PPP1R14C: variants seen among roughly 807,000 people sequenced by gnomAD.
The protein encoded by PPP1R14C is protein phosphatase 1 regulatory subunit 14C.
A neutral mutation model predicts 20.4 loss-of-function variants in PPP1R14C; 16 were observed. That is an observed-to-expected ratio of 0.78 (90% confidence interval 0.53 to 1.19). PPP1R14C has a LOEUF of 1.19. Among genes scored for constraint, PPP1R14C ranks in the 50% most tolerant of loss-of-function variants. PPP1R14C has a pLI of 0.00. For missense variants in PPP1R14C, 211 were observed against 220.1 expected, an observed-to-expected ratio of 0.96 and a Z score of 0.26; for synonymous variants, 91 against 91.0, an observed-to-expected ratio of 1.00 and a Z score of 0.00.
At chr6:150,160,166 A>C (rs560893118) in intron 1 of PPP1R14C, among the ~76,000 whole-genome samples, 74 of 151,192 alleles carry the variant, frequency 4.9e-4, no homozygotes, top group South Asian at 8.4e-4. Flanking sequence ...CCTGGCTGAG[A>C]TACTGTCTGT....
At chr6:150,168,424 T>C (rs1055076432) in intron 1 of PPP1R14C, among the ~76,000 whole-genome samples, 1 of 151,876 alleles carries the variant, frequency 6.6e-6, no homozygotes, top group Admixed American at 6.6e-5. Flanking sequence ...TCCCAGCTAC[T>C]TGGGAGGCTG....
intron 1 of PPP1R14C, among the ~76,000 whole-genome samples, chr6:150,207,674 A>G (rs780753029): frequency 6.6e-6 from 1 of 152,244 alleles, no homozygotes; most frequent in Non-Finnish European, 1.5e-5. Context: ...TAAAATGTCT[A>G]TGGTTTTTTC....
chr6:150,152,119 C>CAAAAAAAAAAAAA (rs577869928), intron 1 of PPP1R14C, among the ~76,000 whole-genome samples: 1 of 85,006 alleles, frequency 1.2e-5, no homozygotes, highest in African/African-American at 3.7e-5. Context: ...GACTCCGTCT[C>CAAAAAAAAAAAAA]AAAAAAAAAA....
At chr6:150,174,146 C>A (rs1351197335) in intron 1 of PPP1R14C, among the ~76,000 whole-genome samples, 1 of 147,652 alleles carries the variant, frequency 6.8e-6, no homozygotes, top group Non-Finnish European at 1.5e-5. Context: ...TTAGCATATT[C>A]ATCACCTCAC....
chr6:150,225,386 G>A (rs1442780882), intron 3 of PPP1R14C, among the ~76,000 whole-genome samples: 1 of 152,158 alleles, frequency 6.6e-6, no homozygotes, highest in Non-Finnish European at 1.5e-5. Flanking sequence ...TCTGAGACTA[G>A]CAATTTGTCA....
chr6:150,181,750 G>C (rs1273062765), intron 1 of PPP1R14C, among the ~76,000 whole-genome samples: 1 of 152,204 alleles, frequency 6.6e-6, no homozygotes, highest in Non-Finnish European at 1.5e-5. Flanking sequence ...GAGTGTGTGT[G>C]AGCCATCTTT....
At chr6:150,186,980 CTT>C (rs777549797) in intron 1 of PPP1R14C, among the ~76,000 whole-genome samples, 1 of 145,242 alleles carries the variant, frequency 6.9e-6, no homozygotes. Context: ...TTGACTTAGT[CTT>C]TTTTTTTTTT....
chr6:150,232,973 A>G (rs1426732086), intron 3 of PPP1R14C, among the ~76,000 whole-genome samples: 1 of 152,240 alleles, frequency 6.6e-6, no homozygotes, highest in Non-Finnish European at 1.5e-5. Context: ...CCTGAAGGGC[A>G]GGGACAGGTT....
At chr6:150,186,336 T>C (rs765406394) in intron 1 of PPP1R14C, among the ~76,000 whole-genome samples, 16 of 152,134 alleles carry the variant, frequency 1.1e-4, no homozygotes, top group Non-Finnish European at 1.9e-4. Flanking sequence ...GAAGAGCAAA[T>C]GCCCTGCGTA....
At chr6:150,210,451 T>C (rs952523563) in intron 1 of PPP1R14C, among the ~76,000 whole-genome samples, 1 of 152,236 alleles carries the variant, frequency 6.6e-6, no homozygotes, top group Non-Finnish European at 1.5e-5. Context: ...GCCCTGTTGC[T>C]TCGCACCTGA....
rs1057393971 is a variant in PPP1R14C, at chr6:150,201,365, G to A, written c.307-13379G>A. 6.6e-6 allele frequency among the ~76,000 whole-genome samples: 1 copy of A among 152,150 alleles called. No homozygotes were observed. The highest frequency in any genetic ancestry group is 1.5e-5 in the Non-Finnish European group (1 of 68,026). On this transcript the variant is annotated intron_variant, in intron 1 of 3. Transcript: ENST00000361131. This position sits in a 1 kb window ranked among gnomAD's most constrained non-coding sequence, Gnocchi z 4.2. ...AGGTTGACCTCATCACAAGTCTGGC[G>A]AAGACATTTTGCTTTAGGAAGTGAT...
Position 150,187,014 on chromosome 6 carries a change from C to T in PPP1R14C, c.307-27730C>T, listed in dbSNP as rs182958117. 3.4e-3 allele frequency among the ~76,000 whole-genome samples: 514 copies of T among 151,278 alleles called. 5 individuals are homozygous for T. Among genetic ancestry groups the T allele is most frequent in the African/African-American group, 0.011 (470 of 41,146 alleles). On this transcript the variant is annotated intron_variant, in intron 1 of 3. Coordinates refer to ENST00000361131, the MANE Select transcript of PPP1R14C (RefSeq NM_030949.3). ...TTTTGAGACGGAGTTTCACTCTTGT[C>T]GCCCAGGCTGGAGTGCAATGGTGCA... is the stretch of plus-strand genomic sequence containing the variant.
intron 3 of PPP1R14C, among the ~76,000 whole-genome samples, chr6:150,232,383 A>G (rs1438448165): frequency 6.6e-6 from 1 of 152,152 alleles, no homozygotes; most frequent in Non-Finnish European, 1.5e-5. Context: ...GCTTATTTTC[A>G]CTTGTGTTAT....
intron 1 of PPP1R14C, among the ~76,000 whole-genome samples, chr6:150,190,651 T>TCGTGATCCACTCTC (rs2114887291): frequency 6.6e-6 from 1 of 152,210 alleles, no homozygotes; most frequent in East Asian, 1.9e-4. Flanking sequence ...GGTCTTGATT[T>TCGTGATCCACTCTC]CTTGAGCTCG....
rs919835728 is a variant in PPP1R14C, at chr6:150,249,730, G to C, written c.*910G>C. 5.0e-6 allele frequency: 2 copies of C among 396,240 alleles called. No individual in the cohort carries two copies. The highest frequency in any genetic ancestry group is 4.1e-5 in the African/African-American group (2 of 48,600). 24.5% of individuals were successfully genotyped at this position (396,240 alleles called of 1,614,324 possible). ...TGTTTATTCTCTCTCCAGGAAAGCAGATCAAAAGAAAGTTAGCAGATCGAG... is the reference window on the plus strand; with the variant it reads ...TGTTTATTCTCTCTCCAGGAAAGCACATCAAAAGAAAGTTAGCAGATCGAG... On this transcript the variant is annotated 3_prime_UTR_variant, in exon 4 of 4. Transcript: ENST00000361131.
chr6:150,190,724 G>A (rs769649751), intron 1 of PPP1R14C, among the ~76,000 whole-genome samples: 3 of 152,082 alleles, frequency 2.0e-5, no homozygotes, highest in South Asian at 2.1e-4. Flanking sequence ...CACACCCAGC[G>A]TATTTTGCAT....
At chr6:150,220,987 C>A (rs1029248437) in intron 3 of PPP1R14C, among the ~76,000 whole-genome samples, 1 of 152,178 alleles carries the variant, frequency 6.6e-6, no homozygotes, top group South Asian at 2.1e-4. Context: ...AACTGAACAT[C>A]CCTGTGTTCT....
Position 150,249,331 on chromosome 6 carries a change from A to G in PPP1R14C, c.*511A>G, listed in dbSNP as rs1778534131. 1 of 399,066 alleles carries G rather than the reference A, an allele frequency of 2.5e-6. No individual in the cohort carries two copies. Among genetic ancestry groups the G allele is most frequent in the African/African-American group, 2.1e-5 (1 of 48,754 alleles). 24.7% of individuals were successfully genotyped at this position (399,066 alleles called of 1,614,324 possible). On this transcript the variant is annotated 3_prime_UTR_variant, in exon 4 of 4. Coordinates refer to ENST00000361131, the MANE Select transcript of PPP1R14C (RefSeq NM_030949.3). Reference sequence around the variant, plus strand: ...GGAATAAACTTGTGGTTGTCCTTTAACTGGAGGTCCCAGCACATGTGTTTT... The same window carrying G: ...GGAATAAACTTGTGGTTGTCCTTTAGCTGGAGGTCCCAGCACATGTGTTTT...
intron 1 of PPP1R14C, among the ~76,000 whole-genome samples, chr6:150,165,990 C>T (rs1777417541): frequency 6.6e-6 from 1 of 151,970 alleles, no homozygotes; most frequent in South Asian, 2.1e-4. Flanking sequence ...TCTGGATGTG[C>T]CAGTCAGTGC....
Sources: gnomAD v4.1 joint callset for allele counts (sites outside exome capture counted in the v4.1 genomes callset) on GRCh38, gnomAD v4.1.1 for gene constraint, Gnocchi (gnomAD v3.1) non-coding constraint, MANE v1.5 for transcripts, NCBI Gene and HGNC (gene_info 2026-07-23, HGNC 2026-07-21) for gene names.